The following NR6A1 variants were observed in gnomAD, a reference collection of about 807,000 sequenced individuals.
NR6A1 encodes the protein retinoic acid receptor-related testis-associated receptor.
Under a neutral mutation model 59.1 loss-of-function variants are expected in NR6A1, and 7 were observed. The observed-to-expected ratio is 0.12, with a 90% CI of 0.07 to 0.22. The LOEUF (loss-of-function observed/expected upper bound fraction) is 0.22. Among genes scored for constraint, NR6A1 ranks in the 10% least tolerant of loss-of-function variants. The probability of loss-of-function intolerance (pLI) is 1.00; values close to 1 mark genes in which losing one functional copy is unlikely to be tolerated. For missense variants in NR6A1, 468 were observed against 611.6 expected, an observed-to-expected ratio of 0.77 and a Z score of 2.48; for synonymous variants, 243 against 236.1, an observed-to-expected ratio of 1.03 and a Z score of -0.27.
chr9:124,524,977 T>G, intron 8 of NR6A1, 104 bp from the exon 9 acceptor site: 1 of 1,275,816 alleles, frequency 7.8e-7, no homozygotes, highest in Admixed American at 2.6e-5. Flanking sequence ...TTCAACTAAG[T>G]TACTAAACAT....
intron 2 of NR6A1, among the ~76,000 whole-genome samples, chr9:124,606,284 T>A (rs1177804414): frequency 6.6e-6 from 1 of 152,200 alleles, no homozygotes; most frequent in Non-Finnish European, 1.5e-5. Context: ...CCCTAAAGGT[T>A]CCAATTCTAT....
At chr9:124,767,513 G>GAAAAAAAAAAAAAAAA (rs951834728) in intron 1 of NR6A1, among the ~76,000 whole-genome samples, 2 of 76,456 alleles carry the variant, frequency 2.6e-5, no homozygotes, top group African/African-American at 4.2e-5. Context: ...TACAAAAAAA[G>GAAAAAAAAAAAAAAAA]AAAAAAAAAA....
chr9:124,688,230 C>T (rs753589840), intron 2 of NR6A1, among the ~76,000 whole-genome samples: 5 of 151,786 alleles, frequency 3.3e-5, no homozygotes, highest in Middle Eastern at 3.2e-3. Context: ...GAGGCTGAGG[C>T]GGGAGGATTA....
intron 2 of NR6A1, among the ~76,000 whole-genome samples, chr9:124,586,333 A>G (rs1834933592): frequency 6.6e-6 from 1 of 152,224 alleles, no homozygotes; most frequent in South Asian, 2.1e-4. Context: ...CTCATGGATG[A>G]CTTTGAGGGG....
In NR6A1 at chr9:124,686,669, A is replaced by G. The variant is rs959339776; in HGVS notation, c.142+46639T>C. Reference sequence around the variant, plus strand: ...CTCAAACACGTGAAGTCACTGCAACAAGGGGATGGAGAAATCATGTGCTTC... The same window carrying G: ...CTCAAACACGTGAAGTCACTGCAACGAGGGGATGGAGAAATCATGTGCTTC... On this transcript the variant is annotated intron_variant, in intron 2 of 9. Transcript: ENST00000487099. Among the ~76,000 whole-genome samples the G allele has an allele frequency of 2.6e-5, 4 of 152,180 alleles. No homozygotes were observed. The East Asian group carries it at 7.7e-4, about 29-fold the overall frequency.
intron 2 of NR6A1, among the ~76,000 whole-genome samples, chr9:124,565,177 C>T (rs903971432): frequency 6.6e-6 from 1 of 151,966 alleles, no homozygotes; most frequent in Admixed American, 6.6e-5. Context: ...ACCTGTAATC[C>T]CAGCACTTTG....
chr9:124,670,579 G>A (rs973027748), intron 2 of NR6A1, among the ~76,000 whole-genome samples: 1 of 149,388 alleles, frequency 6.7e-6, no homozygotes, highest in Admixed American at 6.6e-5. Context: ...CACAGCTTCA[G>A]CAAAAGTCAT....
intron 2 of NR6A1, among the ~76,000 whole-genome samples, chr9:124,715,202 G>GA (rs1231756488): frequency 0.022 from 2,752 of 123,422 alleles, 69 homozygotes; most frequent in African/African-American, 0.071. Flanking sequence ...CTTCGTCTCA[G>GA]AAAAAAAAAA....
At chr9:124,770,558 C>A (rs1841108708) in intron 1 of NR6A1, among the ~76,000 whole-genome samples, 1 of 147,460 alleles carries the variant, frequency 6.8e-6, no homozygotes, top group Non-Finnish European at 1.5e-5. Flanking sequence ...AGAGGCTCTG[C>A]GTTAAGGGAA....
rs766883065 is a variant in NR6A1 at position 124,688,430 on chromosome 9, C to T, written c.142+44878G>A. ...TGAAAGTAACTGAAACCACAGAAAG[C>T]GAAAACGCATATAATGAGGGACTAC... is the stretch of plus-strand genomic sequence containing the variant. On this transcript the variant is annotated intron_variant, in intron 2 of 9. Coordinates refer to ENST00000487099, the MANE Select transcript of NR6A1 (RefSeq NM_033334.4). 2.6e-5 allele frequency among the ~76,000 whole-genome samples: 4 copies of T among 152,112 alleles called. No homozygotes were observed. In the East Asian group the frequency reaches 5.8e-4, roughly 22 times the overall value.
intron 2 of NR6A1, among the ~76,000 whole-genome samples, chr9:124,691,358 T>C (rs1838538624): frequency 6.6e-6 from 1 of 152,202 alleles, no homozygotes; most frequent in Non-Finnish European, 1.5e-5. Flanking sequence ...AAAAATGAAT[T>C]TGAGACCAGT....
At chr9:124,563,656 C>G (rs1022064470) in intron 2 of NR6A1, among the ~76,000 whole-genome samples, 4 of 152,206 alleles carry the variant, frequency 2.6e-5, no homozygotes, top group African/African-American at 9.7e-5. Context: ...TCTAAACAGA[C>G]AGTCCCCTGC....
chr9:124,738,937 G>A (rs1840094698), intron 1 of NR6A1, among the ~76,000 whole-genome samples: 1 of 151,814 alleles, frequency 6.6e-6, no homozygotes, highest in South Asian at 2.1e-4. Flanking sequence ...GGGAGGCGGA[G>A]GTTGCAGTGA....
intron 2 of NR6A1, among the ~76,000 whole-genome samples, chr9:124,640,962 A>C (rs923171043): frequency 6.6e-6 from 1 of 152,206 alleles, no homozygotes; most frequent in Non-Finnish European, 1.5e-5. Context: ...ATAAGAAGTT[A>C]AGAAACTGAA....
rs201047227 is a variant in NR6A1 at position 124,696,466 on chromosome 9, A to G, written c.142+36842T>C. Among the ~76,000 whole-genome samples the G allele has an allele frequency of 1.1e-4, 16 of 150,920 alleles. No homozygotes were observed. The East Asian group carries it at 2.2e-3, about 20-fold the overall frequency. On this transcript the variant is annotated intron_variant, in intron 2 of 9. Transcript: ENST00000487099. ...AGATATTTCAAGATACTTAAAATGC[A>G]TGTATTTATACTTAGAGAAAATAAC...
intron 2 of NR6A1, among the ~76,000 whole-genome samples, chr9:124,657,668 G>A (rs868462892): frequency 1.3e-5 from 2 of 152,166 alleles, no homozygotes; most frequent in African/African-American, 2.4e-5. Context: ...ACAGACTGAA[G>A]AGAGCAGACC....
At chr9:124,755,182 A>C (rs897980761) in intron 1 of NR6A1, among the ~76,000 whole-genome samples, 8 of 152,248 alleles carry the variant, frequency 5.3e-5, no homozygotes, top group African/African-American at 1.9e-4. Context: ...CCGTGGAAAT[A>C]TTTCAGGCAA....
chr9:124,533,712 C>T (rs538300470), intron 7 of NR6A1, among the ~76,000 whole-genome samples: 3 of 151,232 alleles, frequency 2.0e-5, no homozygotes, highest in African/African-American at 7.3e-5. Context: ...TGCAGTGGTG[C>T]AAACTTGGCT....
At chr9:124,643,660 G>A (rs1334445487) in intron 2 of NR6A1, among the ~76,000 whole-genome samples, 1 of 149,402 alleles carries the variant, frequency 6.7e-6, no homozygotes, top group African/African-American at 2.5e-5. Flanking sequence ...AGCTACTTAG[G>A]AGGCTGACAT....
Sources: gnomAD v4.1 joint callset for allele counts (sites outside exome capture counted in the v4.1 genomes callset) on GRCh38, gnomAD v4.1.1 for gene constraint, MANE v1.5 for transcripts, NCBI Gene and HGNC (gene_info 2026-07-23, HGNC 2026-07-21) for gene names.